DGCR2: variants seen among roughly 807,000 people sequenced by gnomAD.
The protein encoded by DGCR2 is integral membrane protein DGCR2/IDD.
In DGCR2, 24 loss-of-function variants were observed where a neutral mutation model predicts 51.6. That is an observed-to-expected ratio of 0.47 (90% confidence interval 0.34 to 0.65). The LOEUF is 0.65. Ranked by LOEUF, DGCR2 falls within the 30% of genes least tolerant of loss-of-function variation. The pLI is 0.01. For missense variants in DGCR2, 765 were observed against 772.1 expected (o/e 0.99, Z 0.11); for synonymous variants, 340 against 315.4 (o/e 1.08, Z -0.82).
intron 1 of DGCR2, among the ~76,000 whole-genome samples, chr22:19,106,556 C>G (rs1038468503): frequency 6.6e-6 from 1 of 152,182 alleles, no homozygotes; most frequent in African/African-American, 2.4e-5. Context: ...GGCTCCTCAC[C>G]CATGAGGGCC....
intron 1 of DGCR2, among the ~76,000 whole-genome samples, chr22:19,118,385 A>C (rs1292464361): frequency 1.3e-5 from 2 of 151,202 alleles, no homozygotes; most frequent in South Asian, 2.1e-4. Flanking sequence ...AAAAAAAAAA[A>C]AAAAAAAAAA....
intron 7 of DGCR2, among the ~76,000 whole-genome samples, chr22:19,042,918 C>T (rs979661843): frequency 6.6e-6 from 1 of 152,172 alleles, no homozygotes; most frequent in Non-Finnish European, 1.5e-5. Flanking sequence ...CCCTGACGCA[C>T]CCAGCCCTGG....
rs557371257 is a variant in DGCR2 at position 19,063,578 on chromosome 22, T to G, written c.549-300A>C. Among the ~76,000 whole-genome samples, 202 of 151,670 alleles carry G rather than the reference T, an allele frequency of 1.3e-3. 2 individuals are homozygous for G. The South Asian group carries it at 0.018, about 13-fold the overall frequency. On this transcript the variant is annotated intron_variant, in intron 4 of 9. Transcript: ENST00000263196. ...ATTGGCCAGGATGGTCTCGATCTCC[T>G]GACCTCATGACCCACCCGCCTCGGC...
At chr22:19,070,247 C>A (rs1217597271) in intron 2 of DGCR2, among the ~76,000 whole-genome samples, 1 of 152,182 alleles carries the variant, frequency 6.6e-6, no homozygotes. Context: ...AAGGGAAGAG[C>A]CACCTGAGCT....
intron 5 of DGCR2, chr22:19,061,829 A>C (rs184209807): frequency 2.6e-5 from 4 of 152,280 alleles, no homozygotes; most frequent in Admixed American, 2.6e-4. Context: ...TGAGCCACAC[A>C]AATAGGGAGC....
At chr22:19,107,070 T>A (rs2083267705) in intron 1 of DGCR2, among the ~76,000 whole-genome samples, 1 of 152,208 alleles carries the variant, frequency 6.6e-6, no homozygotes, top group Non-Finnish European at 1.5e-5. Flanking sequence ...ACACTCCTGC[T>A]GTGGTTTTGA....
At position 19,059,860 on chromosome 22, in the gene DGCR2, G is replaced by A. The variant is rs932289556; in HGVS notation, c.626-2698C>T. 7.2e-5 allele frequency among the ~76,000 whole-genome samples: 11 copies of A among 152,164 alleles called. No individual in the cohort carries two copies. In the South Asian group the frequency reaches 2.1e-3, roughly 29 times the overall value. Reference sequence around the variant, plus strand: ...AGCCACTGCCACCTCCATGTCCACCGCTGCTCGCCGAGCCTGGAGAACCCT... The same window carrying A: ...AGCCACTGCCACCTCCATGTCCACCACTGCTCGCCGAGCCTGGAGAACCCT... On this transcript the variant is annotated intron_variant, in intron 5 of 9. Transcript: ENST00000263196.
chr22:19,043,419 A>G (rs944026013), intron 7 of DGCR2, among the ~76,000 whole-genome samples: 1 of 152,160 alleles, frequency 6.6e-6, no homozygotes, highest in African/African-American at 2.4e-5. Flanking sequence ...GAGTGGTAGC[A>G]GGCATGAAAG....
chr22:19,086,104 A>G (rs2083011977), intron 2 of DGCR2, among the ~76,000 whole-genome samples: 1 of 152,194 alleles, frequency 6.6e-6, no homozygotes, highest in African/African-American at 2.4e-5. Context: ...TCAAGGAAGT[A>G]AGAAAATACG....
At chr22:19,072,563 A>C (rs2082826723) in intron 2 of DGCR2, among the ~76,000 whole-genome samples, 1 of 152,238 alleles carries the variant, frequency 6.6e-6, no homozygotes, top group South Asian at 2.1e-4. Context: ...TCATGAAACA[A>C]GAAAAGGGTG....
In DGCR2 at chr22:19,053,779, T is replaced by C. The variant is rs116721026; in HGVS notation, c.802+3207A>G. On this transcript the variant is annotated intron_variant, in intron 6 of 9. Transcript: ENST00000263196. Reference sequence around the variant, plus strand: ...GGGAATTTAAAATAACTACGATTAATTTGTTAAAGGCTCCAGTGGAAAAGC... The same window carrying C: ...GGGAATTTAAAATAACTACGATTAACTTGTTAAAGGCTCCAGTGGAAAAGC... Among the ~76,000 whole-genome samples, 1,160 of 152,316 alleles carry C rather than the reference T, an allele frequency of 7.6e-3. 19 individuals carry two copies. Among genetic ancestry groups the C allele is most frequent in the African/African-American group, 0.026 (1,100 of 41,546 alleles).
chr22:19,106,723 A>G (rs2083264543), intron 1 of DGCR2, among the ~76,000 whole-genome samples: 1 of 152,010 alleles, frequency 6.6e-6, no homozygotes, highest in African/African-American at 2.4e-5. Context: ...TGACCCGCCT[A>G]CTCAGTGTCC....
chr22:19,096,596 AAC>A (rs2083142601), intron 1 of DGCR2, among the ~76,000 whole-genome samples: 6 of 113,934 alleles, frequency 5.3e-5, no homozygotes, highest in Non-Finnish European at 7.7e-5. Context: ...CCATAAAGTT[AAC>A]AAAAAATTTT....
intron 2 of DGCR2, among the ~76,000 whole-genome samples, chr22:19,073,917 C>T (rs1183139021): frequency 6.6e-6 from 1 of 152,174 alleles, no homozygotes; most frequent in Non-Finnish European, 1.5e-5. Context: ...CTGATTCTCC[C>T]ACACTGATGG....
At position 19,101,601 on chromosome 22, in the gene DGCR2, C is replaced by T. The variant is rs564038200; in HGVS notation, c.80-12111G>A. On this transcript the variant is annotated intron_variant, in intron 1 of 9. Coordinates refer to ENST00000263196, the MANE Select transcript of DGCR2 (RefSeq NM_005137.3). ...ACCAAAAGTACAAAAGTTAGCTGGG[C>T]GTGGTGGCGCACACCTGTAGTTCCA... 1.2e-3 allele frequency among the ~76,000 whole-genome samples: 187 copies of T among 152,110 alleles called. 1 individual carries two copies. The highest frequency in any genetic ancestry group is 4.4e-3 in the African/African-American group (182 of 41,494).
At chr22:19,101,877 A>G (rs1174843839) in intron 1 of DGCR2, among the ~76,000 whole-genome samples, 7 of 151,932 alleles carry the variant, frequency 4.6e-5, no homozygotes, top group Admixed American at 4.6e-4. Context: ...CAACATAGTG[A>G]AACTCCGTGT....
intron 3 of DGCR2, among the ~76,000 whole-genome samples, chr22:19,067,757 C>T (rs1340321752): frequency 2.6e-5 from 4 of 152,078 alleles, no homozygotes; most frequent in Non-Finnish European, 5.9e-5. Context: ...CATTTTATTG[C>T]TGTATCTAAA....
chr22:19,038,526 G>GC lies in DGCR2; in HGVS notation c.*338dup, dbSNP rs1322078465. 3.2e-6 allele frequency: 1 copy of GC among 308,564 alleles called. No individual in the cohort carries two copies. The highest frequency in any genetic ancestry group is 6.0e-6 in the Non-Finnish European group (1 of 165,322). 19.1% of individuals were successfully genotyped at this position (308,564 alleles called of 1,614,324 possible). A position where few individuals can be genotyped will look rare whatever the true frequency, so the allele number is the denominator to read the frequency against. On this transcript the variant is annotated 3_prime_UTR_variant, in exon 10 of 10. Coordinates refer to ENST00000263196, the MANE Select transcript of DGCR2 (RefSeq NM_005137.3). ...TGCACCAAGTAAGCCCACCAAAAACGCATCAGGTGTGGCCATGGCCCACAG... is the reference window on the plus strand; with the variant it reads ...TGCACCAAGTAAGCCCACCAAAAACGCCATCAGGTGTGGCCATGGCCCACAG...
chr22:19,088,923 T>G (rs915484950), intron 2 of DGCR2, among the ~76,000 whole-genome samples: 2 of 151,976 alleles, frequency 1.3e-5, no homozygotes, highest in Admixed American at 6.5e-5. Context: ...AACCTGTGAG[T>G]GCAAAGTTCC....
Sources: allele counts gnomAD v4.1 joint callset (sites outside exome capture counted in the v4.1 genomes callset), GRCh38; gene constraint gnomAD v4.1.1; transcripts MANE v1.5; gene names NCBI Gene and HGNC (gene_info 2026-07-23, HGNC 2026-07-21).